Variants in PARD3B observed in about 807,000 individuals in gnomAD.
PARD3B encodes the protein par-3 family cell polarity regulator beta, also known as partitioning defective 3 homolog B.
Under a neutral mutation model 130.2 loss-of-function variants are expected in PARD3B, and 103 were observed. The observed-to-expected ratio is 0.79, with a 90% CI of 0.67 to 0.93. PARD3B has a LOEUF of 0.93. Among genes scored for constraint, PARD3B ranks in the 40% least tolerant of loss-of-function variants. PARD3B has a pLI of 0.00. For synonymous variants in PARD3B, 583 were observed against 553.2 expected (o/e 1.05, Z -0.76); for missense variants, 1,609 against 1,499.2 (o/e 1.07, Z -1.21).
At chr2:204,686,139 A>G (rs1247850197) in intron 1 of PARD3B, 42 bp from the exon 2 acceptor site, 5 of 1,348,018 alleles carry the variant, frequency 3.7e-6, no homozygotes, top group Middle Eastern at 1.8e-4. Flanking sequence ...TTAACTTTTT[A>G]ACATAGATTA....
At chr2:205,549,232 G>T (rs929840303) in intron 21 of PARD3B, among the ~76,000 whole-genome samples, 2 of 152,122 alleles carry the variant, frequency 1.3e-5, no homozygotes, top group Non-Finnish European at 2.9e-5. Context: ...CAATTTGGTG[G>T]TTTCTTGCGA....
At chr2:205,126,335 T>C (rs2031391874) in intron 10 of PARD3B, among the ~76,000 whole-genome samples, 4 of 152,112 alleles carry the variant, frequency 2.6e-5, no homozygotes, top group Admixed American at 2.6e-4. Flanking sequence ...TGGAAAAAAT[T>C]CATGTACATT....
At chr2:204,812,844 A>AG (rs1245461975) in intron 2 of PARD3B, among the ~76,000 whole-genome samples, 1 of 152,092 alleles carries the variant, frequency 6.6e-6, no homozygotes, top group Admixed American at 6.6e-5. Context: ...TTATTATTCT[A>AG]GGGAGACACT....
rs749731220 is a variant in PARD3B at position 204,825,023 on chromosome 2, G to GT, written c.222+138749dup. Among the ~76,000 whole-genome samples the GT allele has an allele frequency of 7.6e-4, 115 of 152,110 alleles. 1 individual carries two copies. Among genetic ancestry groups the GT allele is most frequent in the Admixed American group, 2.2e-3 (33 of 15,280 alleles). ...AATTTGATTGGTTTAGGGAGCATAT[G>GT]TTTTTTTTCCTGGTTGGTCCTGAGT... On this transcript the variant is annotated intron_variant, in intron 2 of 22. Coordinates refer to ENST00000406610, the MANE Select transcript of PARD3B (RefSeq NM_001302769.2).
chr2:205,412,202 A>G (rs994279772), intron 19 of PARD3B, among the ~76,000 whole-genome samples: 1 of 152,048 alleles, frequency 6.6e-6, no homozygotes, highest in African/African-American at 2.4e-5. Context: ...TGCTGTCCCA[A>G]GGAATCTGAC....
Position 205,322,889 on chromosome 2 carries a change from C to CTTTTTTTTT in PARD3B, c.2630+21222_2630+21230dup, listed in dbSNP as rs71032461. 1.1e-3 allele frequency among the ~76,000 whole-genome samples: 56 copies of CTTTTTTTTT among 51,468 alleles called. 10 individuals are homozygous for CTTTTTTTTT. Among genetic ancestry groups the CTTTTTTTTT allele is most frequent in the Admixed American group, 2.3e-3 (7 of 3,034 alleles). 33.8% of individuals were successfully genotyped at this position (51,468 alleles called of 152,430 possible). On this transcript the variant is annotated intron_variant, in intron 18 of 22. Transcript: ENST00000406610. ...TGTTGTTATATCATTATTAACACCT[C>CTTTTTTTTT]TTTTTTTTTTTTTTTTTTTTTTTTT...
rs756095324 is a variant in PARD3B at position 205,056,989 on chromosome 2, TG to T, written c.504+9300del. The stretch of plus-strand genomic sequence containing the variant: ...CCAAAGGCATCAAAGCGATTGATAT[TG>T]ATATAAGGTTATGGCATGTTTTGAG... On this transcript the variant is annotated intron_variant, in intron 4 of 22. Coordinates refer to ENST00000406610, the MANE Select transcript of PARD3B (RefSeq NM_001302769.2). Among the ~76,000 whole-genome samples the T allele has an allele frequency of 1.5e-3, 227 of 148,902 alleles. 2 individuals are homozygous for T. Among genetic ancestry groups the T allele is most frequent in the Non-Finnish European group, 2.6e-3 (173 of 66,742 alleles).
At chr2:204,572,532 A>C (rs1256710173) in intron 1 of PARD3B, among the ~76,000 whole-genome samples, 1 of 152,180 alleles carries the variant, frequency 6.6e-6, no homozygotes, top group African/African-American at 2.4e-5. Context: ...GTTACAGGGA[A>C]TGGGGCTTTT....
intron 22 of PARD3B, among the ~76,000 whole-genome samples, chr2:205,613,563 T>C (rs1418687746): frequency 1.3e-5 from 2 of 152,232 alleles, no homozygotes; most frequent in Non-Finnish European, 2.9e-5. Flanking sequence ...CCATTTGTGC[T>C]CCATTTGTCA....
chr2:204,643,243 C>G (rs1424185496), intron 1 of PARD3B, among the ~76,000 whole-genome samples: 2 of 151,728 alleles, frequency 1.3e-5, no homozygotes, highest in Non-Finnish European at 2.9e-5. Context: ...TGAGGCCTCC[C>G]TAGCCGTGCC....
intron 3 of PARD3B, among the ~76,000 whole-genome samples, chr2:205,012,305 T>A (rs747993524): frequency 6.6e-6 from 1 of 152,252 alleles, no homozygotes; most frequent in Non-Finnish European, 1.5e-5. Context: ...GTTGAATTTC[T>A]GTATTTAGCC....
chr2:204,824,757 A>G (rs1265753288), intron 2 of PARD3B, among the ~76,000 whole-genome samples: 3 of 152,178 alleles, frequency 2.0e-5, no homozygotes, highest in Non-Finnish European at 4.4e-5. Flanking sequence ...ATATATTTCT[A>G]TTTAGTTTCC....
At chr2:204,683,331 A>T in intron 1 of PARD3B, among the ~76,000 whole-genome samples, 1 of 152,164 alleles carries the variant, frequency 6.6e-6, no homozygotes, top group Admixed American at 6.5e-5. Flanking sequence ...AAATATAGTA[A>T]TTTTTTCCCA....
At chr2:204,704,278 G>A (rs2038031848) in intron 2 of PARD3B, among the ~76,000 whole-genome samples, 1 of 152,196 alleles carries the variant, frequency 6.6e-6, no homozygotes, top group Non-Finnish European at 1.5e-5. Context: ...ACAGATGCTT[G>A]GAATCTTTAA....
intron 4 of PARD3B, among the ~76,000 whole-genome samples, chr2:205,086,414 G>T (rs1333856691): frequency 2.0e-5 from 3 of 152,042 alleles, no homozygotes; most frequent in Non-Finnish European, 4.4e-5. Flanking sequence ...GTAAACATGT[G>T]GCTTATGTGG....
chr2:204,933,360 G>A (rs115685356), intron 2 of PARD3B, among the ~76,000 whole-genome samples: 262 of 152,230 alleles, frequency 1.7e-3, no homozygotes, highest in Non-Finnish European at 2.7e-3. Context: ...ATAGATCACA[G>A]GGACTTTAAT....
chr2:205,547,438 TA>T (rs1192976420), intron 21 of PARD3B, among the ~76,000 whole-genome samples: 1 of 152,140 alleles, frequency 6.6e-6, no homozygotes, highest in Non-Finnish European at 1.5e-5. Context: ...AGAATAAATT[TA>T]TTATACCATA....
chr2:205,068,198 C>T (rs1700505942), intron 4 of PARD3B, among the ~76,000 whole-genome samples: 1 of 152,100 alleles, frequency 6.6e-6, no homozygotes, highest in South Asian at 2.1e-4. Context: ...GAGAAGATGA[C>T]TTACTCAGAT....
chr2:204,902,983 G>A (rs1454422547), intron 2 of PARD3B, among the ~76,000 whole-genome samples: 1 of 152,174 alleles, frequency 6.6e-6, no homozygotes, highest in African/African-American at 2.4e-5. Flanking sequence ...GATATCCTGT[G>A]GCTGTAGCAA....
Sources: allele counts gnomAD v4.1 joint callset (sites outside exome capture counted in the v4.1 genomes callset), GRCh38; gene constraint gnomAD v4.1.1; transcripts MANE v1.5; gene names NCBI Gene and HGNC (gene_info 2026-07-23, HGNC 2026-07-21).